The following SKAP1 variants were observed in gnomAD, a reference collection of about 807,000 sequenced individuals.
The protein encoded by SKAP1 is src kinase associated phosphoprotein 1.
A neutral mutation model predicts 58.5 loss-of-function variants in SKAP1; 44 were observed. The ratio of observed to expected loss-of-function variants is 0.75; its 90% CI spans 0.59 to 0.97. The LOEUF is 0.97. Among genes scored for constraint, SKAP1 ranks in the 50% least tolerant of loss-of-function variants. The pLI is 0.00. For synonymous variants in SKAP1, 127 were observed against 149.7 expected, an observed-to-expected ratio of 0.85 and a Z score of 1.11; for missense variants, 390 against 435.2, an observed-to-expected ratio of 0.90 and a Z score of 0.92.
intron 4 of SKAP1, among the ~76,000 whole-genome samples, chr17:48,314,213 A>G (rs1283584237): frequency 6.6e-6 from 1 of 152,222 alleles, no homozygotes; most frequent in Non-Finnish European, 1.5e-5. Context: ...ATACAGGGGC[A>G]TCATGTTCTC....
chr17:48,297,145 T>C (rs912326655), intron 4 of SKAP1, among the ~76,000 whole-genome samples: 2 of 152,196 alleles, frequency 1.3e-5, no homozygotes, highest in Non-Finnish European at 2.9e-5. Context: ...CTTGATTCCA[T>C]GACCTAAATA....
chr17:48,148,502 C>T (rs2063859513), intron 11 of SKAP1, among the ~76,000 whole-genome samples: 1 of 152,176 alleles, frequency 6.6e-6, no homozygotes, highest in Non-Finnish European at 1.5e-5. Context: ...AGCTCTGCAC[C>T]GCTCTGTTTT....
At chr17:48,441,974 G>A in the SKAP1 span, among the ~76,000 whole-genome samples, 1 of 152,116 alleles carries the variant, frequency 6.6e-6, no homozygotes, top group South Asian at 2.1e-4. Flanking sequence ...CGCATATCTT[G>A]TAAGTAGCAG....
intron 9 of SKAP1, among the ~76,000 whole-genome samples, chr17:48,175,516 G>A (rs933707877): frequency 6.6e-6 from 1 of 152,210 alleles, no homozygotes; most frequent in African/African-American, 2.4e-5. Flanking sequence ...TGTGTATTTG[G>A]TTATCTCAAC....
chr17:48,394,955 A>AAAGT (rs1369857408), intron 2 of SKAP1, among the ~76,000 whole-genome samples: 4 of 152,196 alleles, frequency 2.6e-5, no homozygotes, highest in African/African-American at 9.7e-5. Context: ...AATTCTAAAT[A>AAAGT]AAGTGTCATC....
At chr17:48,262,567 TTAAAA>T (rs950028009) in intron 4 of SKAP1, among the ~76,000 whole-genome samples, 7 of 152,212 alleles carry the variant, frequency 4.6e-5, no homozygotes, top group Admixed American at 3.3e-4. Flanking sequence ...ACTTGAACAA[TTAAAA>T]TAAACAATGT....
chr17:48,405,908 T>C (rs1317108565), intron 1 of SKAP1, among the ~76,000 whole-genome samples: 1 of 152,018 alleles, frequency 6.6e-6, no homozygotes, highest in African/African-American at 2.4e-5. Context: ...ATATAGAGGA[T>C]TCAAATAATA....
intron 11 of SKAP1, among the ~76,000 whole-genome samples, chr17:48,147,856 T>C (rs572199852): frequency 6.6e-6 from 1 of 152,090 alleles, no homozygotes; most frequent in South Asian, 2.1e-4. Context: ...TTTTATTTAC[T>C]GTTACATTTC....
chr17:48,159,853 C>T (rs1375668487), intron 11 of SKAP1, among the ~76,000 whole-genome samples: 2 of 152,184 alleles, frequency 1.3e-5, no homozygotes, highest in African/African-American at 2.4e-5. Flanking sequence ...CTGAAATGCT[C>T]CCCAAACCAA....
intron 4 of SKAP1, among the ~76,000 whole-genome samples, chr17:48,312,491 T>C (rs1336178866): frequency 6.6e-6 from 1 of 152,226 alleles, no homozygotes; most frequent in Non-Finnish European, 1.5e-5. Context: ...TCTATAACAC[T>C]ATGTGAAACT....
the SKAP1 span, among the ~76,000 whole-genome samples, chr17:48,438,925 G>A: frequency 6.6e-6 from 1 of 152,136 alleles, no homozygotes; most frequent in African/African-American, 2.4e-5. Flanking sequence ...AAAGAAAAAG[G>A]GAAAAGAGAG....
At chr17:48,201,700 C>T (rs1731228587) in intron 4 of SKAP1, among the ~76,000 whole-genome samples, 1 of 152,132 alleles carries the variant, frequency 6.6e-6, no homozygotes, top group East Asian at 1.9e-4. Flanking sequence ...CACGCCTGGC[C>T]AAGAAATAAA....
chr17:48,286,501 C>T (rs2065831678), intron 4 of SKAP1, among the ~76,000 whole-genome samples: 1 of 152,158 alleles, frequency 6.6e-6, no homozygotes. Context: ...TATAATATTG[C>T]CATTGCAATT....
intron 4 of SKAP1, among the ~76,000 whole-genome samples, chr17:48,214,531 C>T (rs966535620): frequency 6.6e-6 from 1 of 152,192 alleles, no homozygotes; most frequent in Non-Finnish European, 1.5e-5. Flanking sequence ...ACCTTGGCCT[C>T]CCAAGTGCTG....
intron 4 of SKAP1, among the ~76,000 whole-genome samples, chr17:48,209,266 A>T (rs999538729): frequency 6.6e-6 from 1 of 152,174 alleles, no homozygotes; most frequent in Non-Finnish European, 1.5e-5. Flanking sequence ...ATTATTATAC[A>T]TTTATGTGGG....
At chr17:48,229,970 C>A (rs2065109543) in intron 4 of SKAP1, among the ~76,000 whole-genome samples, 2 of 152,162 alleles carry the variant, frequency 1.3e-5, no homozygotes, top group Non-Finnish European at 2.9e-5. Context: ...GCACACATCA[C>A]AAAACTTAGT....
At chr17:48,290,462 G>A (rs2065886231) in intron 4 of SKAP1, among the ~76,000 whole-genome samples, 1 of 152,132 alleles carries the variant, frequency 6.6e-6, no homozygotes, top group Non-Finnish European at 1.5e-5. Flanking sequence ...TCACAAGATC[G>A]ATTAAGTCAG....
chr17:48,400,357 C>T (rs891871280), intron 1 of SKAP1, among the ~76,000 whole-genome samples: 1 of 152,052 alleles, frequency 6.6e-6, no homozygotes, highest in Non-Finnish European at 1.5e-5. Context: ...CCTGGGCCTC[C>T]CAAAGTGCTG....
At chr17:48,437,424 A>G in the SKAP1 span, among the ~76,000 whole-genome samples, 1 of 152,156 alleles carries the variant, frequency 6.6e-6, no homozygotes, top group Non-Finnish European at 1.5e-5. Context: ...AGGATGATGT[A>G]TGTATATAGT....
Sources: allele counts gnomAD v4.1 joint callset (sites outside exome capture counted in the v4.1 genomes callset), GRCh38; gene constraint gnomAD v4.1.1; transcripts MANE v1.5; gene names NCBI Gene and HGNC (gene_info 2026-07-23, HGNC 2026-07-21).